The following TAF3 variants were observed in gnomAD, a reference collection of about 807,000 sequenced individuals.
The protein encoded by TAF3 is transcription initiation factor TFIID subunit 3.
In TAF3, 7 loss-of-function variants were observed where a neutral mutation model predicts 80.6. The observed-to-expected ratio is 0.09, with a 90% CI of 0.05 to 0.16. The LOEUF is 0.16. Ranked by LOEUF, TAF3 falls within the 10% of genes least tolerant of loss-of-function variation. The pLI is 1.00. For synonymous variants in TAF3, 444 were observed against 446.1 expected, an observed-to-expected ratio of 1.00 and a Z score of 0.06; for missense variants, 921 against 1,140.2, an observed-to-expected ratio of 0.81 and a Z score of 2.77.
In TAF3 at chr10:8,015,720, C is replaced by G. The variant is rs1341892541; in HGVS notation, c.*969C>G. 2 of 151,954 alleles carry G rather than the reference C, an allele frequency of 1.3e-5. No individual in the cohort carries two copies. Among genetic ancestry groups the G allele is most frequent in the African/African-American group, 4.8e-5 (2 of 41,352 alleles). The allele number at this position is 151,954 out of a possible 1,614,324, so 9.4% of individuals were successfully genotyped here. A position where few individuals can be genotyped will look rare whatever the true frequency, so the allele number is the denominator to read the frequency against. ...CCCGGAAACATGGTGGGGAAAGGGC[C>G]CGAGCAGTTGGAAGGAAAACAAGGC... On this transcript the variant is annotated 3_prime_UTR_variant, in exon 7 of 7. Transcript: ENST00000344293.
chr10:7,821,222 C>CT (rs58136865), intron 1 of TAF3, among the ~76,000 whole-genome samples: 147,424 of 151,634 alleles, frequency 0.97, 71,807 homozygotes, highest in Non-Finnish European at 1. Flanking sequence ...AATTTGGTGA[C>CT]TTTTTTTTAA....
chr10:7,958,519 A>G (rs918798969), intron 2 of TAF3, among the ~76,000 whole-genome samples: 2 of 152,134 alleles, frequency 1.3e-5, no homozygotes, highest in Non-Finnish European at 2.9e-5. Context: ...GTATCATACT[A>G]TTTATGTAAA....
intron 2 of TAF3, among the ~76,000 whole-genome samples, chr10:7,855,640 A>G (rs897840415): frequency 6.6e-6 from 1 of 152,200 alleles, no homozygotes; most frequent in Non-Finnish European, 1.5e-5. Context: ...CCTGAGTCCC[A>G]CTGACATACT....
intron 2 of TAF3, among the ~76,000 whole-genome samples, chr10:7,902,828 A>G (rs558730479): frequency 6.6e-6 from 1 of 152,174 alleles, no homozygotes; most frequent in East Asian, 1.9e-4. Context: ...TCACTTCTGT[A>G]TTGAAATTCT....
At chr10:7,984,776 C>T (rs1831760814) in intron 4 of TAF3, among the ~76,000 whole-genome samples, 1 of 152,108 alleles carries the variant, frequency 6.6e-6, no homozygotes, top group Admixed American at 6.5e-5. Context: ...TGTGGACTTC[C>T]AGAATTTAAA....
intron 2 of TAF3, among the ~76,000 whole-genome samples, chr10:7,865,780 G>C (rs1837208270): frequency 6.6e-6 from 1 of 152,248 alleles, no homozygotes; most frequent in Non-Finnish European, 1.5e-5. Context: ...ACCTCGAACA[G>C]CAGCAGAGGA....
intron 2 of TAF3, among the ~76,000 whole-genome samples, chr10:7,912,775 G>A (rs1000833614): frequency 4.6e-5 from 7 of 152,124 alleles, no homozygotes; most frequent in South Asian, 2.1e-4. Flanking sequence ...GGCTTAATCC[G>A]TCAGTCCAGG....
intron 2 of TAF3, among the ~76,000 whole-genome samples, chr10:7,953,006 C>G (rs1343857805): frequency 6.6e-6 from 1 of 152,144 alleles, no homozygotes; most frequent in African/African-American, 2.4e-5. Context: ...ACGCCATGCC[C>G]TTCTTTTCCT....
intron 3 of TAF3, among the ~76,000 whole-genome samples, chr10:7,966,405 A>T (rs10905264): frequency 0.55 from 83,903 of 151,978 alleles, 24,707 homozygotes; most frequent in East Asian, 0.71. Flanking sequence ...AGTAAGTCAG[A>T]CTTCATTTCA....
intron 2 of TAF3, among the ~76,000 whole-genome samples, chr10:7,834,792 A>G (rs1466394734): frequency 1.3e-5 from 2 of 152,212 alleles, no homozygotes; most frequent in East Asian, 1.9e-4. Flanking sequence ...ACTATCATTC[A>G]TGATTACTGA....
intron 2 of TAF3, among the ~76,000 whole-genome samples, chr10:7,920,820 AT>A (rs1302052225): frequency 1.3e-5 from 2 of 152,202 alleles, no homozygotes; most frequent in African/African-American, 4.8e-5. Flanking sequence ...TTGAAATAGA[AT>A]TTTTGTCAAT....
At chr10:7,887,693 A>G (rs1011439740) in intron 2 of TAF3, among the ~76,000 whole-genome samples, 5 of 152,090 alleles carry the variant, frequency 3.3e-5, no homozygotes, top group African/African-American at 9.7e-5. Context: ...CTGAGAACAA[A>G]CCTCAAGAAA....
chr10:7,883,656 A>G (rs1837381697), intron 2 of TAF3, among the ~76,000 whole-genome samples: 1 of 152,110 alleles, frequency 6.6e-6, no homozygotes, highest in Non-Finnish European at 1.5e-5. Context: ...TTCTAATTCC[A>G]TTCTTCCTTC....
At chr10:7,940,836 G>A (rs1837969166) in intron 2 of TAF3, among the ~76,000 whole-genome samples, 1 of 151,822 alleles carries the variant, frequency 6.6e-6, no homozygotes, top group South Asian at 2.1e-4. Flanking sequence ...ATGGTGCATG[G>A]CTGTTCCAGC....
intron 2 of TAF3, among the ~76,000 whole-genome samples, chr10:7,845,614 G>A (rs1450844580): frequency 6.6e-6 from 1 of 152,000 alleles, no homozygotes; most frequent in East Asian, 1.9e-4. Flanking sequence ...TGCTTGCTTG[G>A]TGAATATCTG....
chr10:7,885,292 T>C (rs1225319122), intron 2 of TAF3, among the ~76,000 whole-genome samples: 1 of 151,324 alleles, frequency 6.6e-6, no homozygotes, highest in Non-Finnish European at 1.5e-5. Flanking sequence ...ACACACAAAG[T>C]GACTAATTCC....
At chr10:7,960,312 G>A (rs930248850) in intron 2 of TAF3, among the ~76,000 whole-genome samples, 1 of 152,198 alleles carries the variant, frequency 6.6e-6, no homozygotes, top group Non-Finnish European at 1.5e-5. Context: ...AAAAGCGAGG[G>A]AGGGAGGGAA....
intron 2 of TAF3, among the ~76,000 whole-genome samples, chr10:7,893,503 T>C (rs1837477527): frequency 6.6e-6 from 1 of 152,208 alleles, no homozygotes; most frequent in South Asian, 2.1e-4. Context: ...CCTCTTACTG[T>C]ACCAAACATT....
intron 2 of TAF3, among the ~76,000 whole-genome samples, chr10:7,913,091 C>T (rs1303977123): frequency 3.9e-5 from 6 of 152,290 alleles, no homozygotes; most frequent in Admixed American, 2.6e-4. Context: ...CTTTCCTCTC[C>T]GCACACACGC....
Sources: gnomAD v4.1 joint callset for allele counts (sites outside exome capture counted in the v4.1 genomes callset) on GRCh38, gnomAD v4.1.1 for gene constraint, MANE v1.5 for transcripts, NCBI Gene and HGNC (gene_info 2026-07-23, HGNC 2026-07-21) for gene names.